Variants in ZMIZ1 observed in about 807,000 individuals in gnomAD.
The protein encoded by ZMIZ1 is zinc finger MIZ-type containing 1, also known as zinc finger MIZ domain-containing protein 1.
ZMIZ1 carries 17 observed loss-of-function variants against 113.9 expected under a neutral mutation model. The ratio of observed to expected loss-of-function variants is 0.15; its 90% confidence interval spans 0.10 to 0.22. The LOEUF is 0.22. ZMIZ1 is among the 10% of genes least tolerant of loss of function. ZMIZ1 has a pLI of 1.00. For missense variants in ZMIZ1, 1,059 were observed against 1,477.8 expected, an observed-to-expected ratio of 0.72 and a Z score of 4.65; for synonymous variants, 607 against 603.1, an observed-to-expected ratio of 1.01 and a Z score of -0.09.
At chr10:79,195,612 G>T (rs528623011) in intron 4 of ZMIZ1, among the ~76,000 whole-genome samples, 1 of 152,364 alleles carries the variant, frequency 6.6e-6, no homozygotes, top group Admixed American at 6.5e-5. Flanking sequence ...TTGTGGCGAA[G>T]GGCGACCTCT....
intron 1 of ZMIZ1, among the ~76,000 whole-genome samples, chr10:79,072,975 C>G (rs772443335): frequency 6.6e-6 from 1 of 152,176 alleles, no homozygotes; most frequent in African/African-American, 2.4e-5. Context: ...AGCTCCGGGG[C>G]GTTCTGAGGT....
chr10:79,297,999 G>A (rs971153014), intron 14 of ZMIZ1, among the ~76,000 whole-genome samples: 1 of 152,186 alleles, frequency 6.6e-6, no homozygotes, highest in Non-Finnish European at 1.5e-5. Context: ...GATGGGGTAG[G>A]CATAGAGGGT....
At chr10:79,108,096 T>C (rs1176458309) in intron 1 of ZMIZ1, among the ~76,000 whole-genome samples, 1 of 152,150 alleles carries the variant, frequency 6.6e-6, no homozygotes, top group Non-Finnish European at 1.5e-5. Flanking sequence ...CGGAGACCCA[T>C]TTATTCTGCC....
chr10:79,198,075 T>A (rs545011749), intron 4 of ZMIZ1, among the ~76,000 whole-genome samples: 2 of 152,106 alleles, frequency 1.3e-5, no homozygotes, highest in East Asian at 3.9e-4. Context: ...CTGGCTAACA[T>A]GGTGAAACCC....
chr10:79,177,850 T>G (rs545041775), intron 4 of ZMIZ1, among the ~76,000 whole-genome samples: 6 of 152,370 alleles, frequency 3.9e-5, no homozygotes, highest in East Asian at 3.9e-4. Context: ...AAAACTGCCC[T>G]GTAGTCCTCC....
At chr10:79,175,600 G>GTGTGTGTA (rs1554862764) in intron 4 of ZMIZ1, among the ~76,000 whole-genome samples, 1 of 109,134 alleles carries the variant, frequency 9.2e-6, no homozygotes, top group African/African-American at 4.8e-5. Context: ...GTGTGTGTGT[G>GTGTGTGTA]TGTGTGTGTG....
At chr10:79,247,166 C>T (rs1246984976) in intron 7 of ZMIZ1, among the ~76,000 whole-genome samples, 1 of 152,044 alleles carries the variant, frequency 6.6e-6, no homozygotes, top group Admixed American at 6.5e-5. Context: ...TGCAGGGACC[C>T]CCGCACACCA....
chr10:79,297,465 G>C, intron 13 of ZMIZ1, 148 bp from the exon 14 acceptor site: 1 of 699,106 alleles, frequency 1.4e-6, no homozygotes, highest in South Asian at 1.6e-5. Context: ...AGGTGTAGCT[G>C]TCCCGCCCTG....
At chr10:79,106,787 A>T (rs1018010643) in intron 1 of ZMIZ1, among the ~76,000 whole-genome samples, 2 of 152,220 alleles carry the variant, frequency 1.3e-5, no homozygotes, top group Non-Finnish European at 2.9e-5. Flanking sequence ...GACAAATGGG[A>T]CTGGAGAGGT....
chr10:79,292,941 G>A (rs1433426552), intron 11 of ZMIZ1: 3 of 461,108 alleles, frequency 6.5e-6, no homozygotes, highest in Non-Finnish European at 1.3e-5. Flanking sequence ...TGGAGGGTGT[G>A]CCTCCACTGG....
At chr10:79,137,580 C>A (rs1341971321) in intron 2 of ZMIZ1, among the ~76,000 whole-genome samples, 1 of 152,180 alleles carries the variant, frequency 6.6e-6, no homozygotes, top group Non-Finnish European at 1.5e-5. Context: ...GTCACCCCTA[C>A]AGTGGTCGTT....
chr10:79,102,732 A>G (rs1042764454), intron 1 of ZMIZ1, among the ~76,000 whole-genome samples: 2 of 152,214 alleles, frequency 1.3e-5, no homozygotes, highest in African/African-American at 2.4e-5. Context: ...GTAGGCTACC[A>G]GGCCCACATA....
chr10:79,194,968 C>G (rs997891421), intron 4 of ZMIZ1, among the ~76,000 whole-genome samples: 5 of 152,164 alleles, frequency 3.3e-5, no homozygotes, highest in African/African-American at 1.2e-4. Context: ...TTCCATTTGC[C>G]CAACTAAGCC....
intron 3 of ZMIZ1, among the ~76,000 whole-genome samples, chr10:79,151,585 TCA>T (rs1435844452): frequency 6.6e-6 from 1 of 152,150 alleles, no homozygotes; most frequent in Non-Finnish European, 1.5e-5. Flanking sequence ...TTGGGAGGCC[TCA>T]GTTTTCCTCC....
chr10:79,072,272 G>GCGCACGCA (rs1222403407), intron 1 of ZMIZ1, among the ~76,000 whole-genome samples: 7 of 152,112 alleles, frequency 4.6e-5, no homozygotes, highest in African/African-American at 1.7e-4. Context: ...TCACGCACGC[G>GCGCACGCA]CGCACGCACA....
chr10:79,194,759 C>T (rs553801730), intron 4 of ZMIZ1, among the ~76,000 whole-genome samples: 2 of 152,340 alleles, frequency 1.3e-5, no homozygotes, highest in Admixed American at 1.3e-4. Context: ...TTTCAGCTCT[C>T]AACGTTCTAT....
chr10:79,089,220 C>T (rs1443543860), intron 1 of ZMIZ1, among the ~76,000 whole-genome samples: 2 of 152,216 alleles, frequency 1.3e-5, no homozygotes, highest in Non-Finnish European at 2.9e-5. Flanking sequence ...AGAGGTTCTC[C>T]GTGGTCCACG....
At chr10:79,312,537 G>C in intron 24 of ZMIZ1, 105 bp from the exon 25 acceptor site, 1 of 1,246,882 alleles carries the variant, frequency 8.0e-7, no homozygotes, top group Non-Finnish European at 1.2e-6. Context: ...CTAGGGTCCT[G>C]AGAGGCAGGT....
chr10:79,279,156 G>A lies in ZMIZ1; in HGVS notation c.425+1831G>A, dbSNP rs942114085. The stretch of plus-strand genomic sequence containing the variant: ...GGCTGGCCGGACGGGGGCTGCCCCC[G>A]ACCTCCCGGACGGGGCAGCTGCCAG... On this transcript the variant is annotated intron_variant, in intron 8 of 24. Coordinates refer to ENST00000334512, the MANE Select transcript of ZMIZ1 (RefSeq NM_020338.4). 1.2e-4 allele frequency among the ~76,000 whole-genome samples: 18 copies of A among 147,320 alleles called. No homozygotes were observed. In the South Asian group the frequency reaches 1.5e-3, roughly 12 times the overall value.
Sources: allele counts gnomAD v4.1 joint callset (sites outside exome capture counted in the v4.1 genomes callset), GRCh38; gene constraint gnomAD v4.1.1; transcripts MANE v1.5; gene names NCBI Gene and HGNC (gene_info 2026-07-23, HGNC 2026-07-21).